GARIN3: variants seen among roughly 807,000 people sequenced by gnomAD.
GARIN3 encodes the protein Golgi-associated RAB2 interactor protein 3.
chr5:157,162,175 G>C, the GARIN3 span: 1 of 505,150 alleles, frequency 2.0e-6, no homozygotes, highest in Non-Finnish European at 3.5e-6. Flanking sequence ...TTGAGGCAAA[G>C]CTGAACACTC....
At chr5:157,164,654 C>T in the GARIN3 span, among the ~76,000 whole-genome samples, 6 of 152,146 alleles carry the variant, frequency 3.9e-5, no homozygotes, top group Non-Finnish European at 5.9e-5. Context: ...TCAAGGGATA[C>T]ACTCACTTTA....
At chr5:157,162,481 G>C in the GARIN3 span, 1 of 1,614,070 alleles carries the variant, frequency 6.2e-7, no homozygotes, top group Non-Finnish European at 8.5e-7. Context: ...GATCATCTCC[G>C]TCTTCTCGGA....
the GARIN3 span, among the ~76,000 whole-genome samples, chr5:157,164,985 C>T: frequency 1.3e-5 from 2 of 152,168 alleles, no homozygotes; most frequent in East Asian, 3.8e-4. Context: ...TGCCATTGCA[C>T]TCCAGCCTGG....
chr5:157,163,012 G>A, the GARIN3 span: 2 of 1,614,118 alleles, frequency 1.2e-6, no homozygotes, highest in Non-Finnish European at 1.7e-6. Context: ...ACTGGGCTGG[G>A]AAACTTTCTG....
At chr5:157,166,112 A>T in the GARIN3 span, 14 of 1,614,118 alleles carry the variant, frequency 8.7e-6, no homozygotes, top group Non-Finnish European at 1.2e-5. Context: ...TTTTGAACGC[A>T]CTCATTGAAG....
At chr5:157,165,500 A>C in the GARIN3 span, 2 of 1,530,100 alleles carry the variant, frequency 1.3e-6, no homozygotes, top group South Asian at 2.6e-5. Context: ...GCTTTGTAGG[A>C]CTGGCTTTGA....
the GARIN3 span, chr5:157,162,604 T>C: frequency 6.2e-7 from 1 of 1,614,222 alleles, no homozygotes; most frequent in South Asian, 1.1e-5. Flanking sequence ...CTCTCTGTCA[T>C]GTGATGTGAC....
At chr5:157,165,973 G>A in the GARIN3 span, 156 of 1,614,112 alleles carry the variant, frequency 9.7e-5, no homozygotes, top group East Asian at 3.3e-3. Flanking sequence ...ATTCGGACAC[G>A]GTTGTGTACA....
chr5:157,164,581 G>A, the GARIN3 span, among the ~76,000 whole-genome samples: 5,599 of 152,258 alleles, frequency 0.037, 206 homozygotes, highest in African/African-American at 0.099. Context: ...CTTGGACATT[G>A]TATTTTACAC....
At chr5:157,162,534 G>A in the GARIN3 span, 1 of 1,614,014 alleles carries the variant, frequency 6.2e-7, no homozygotes, top group African/African-American at 1.3e-5. Context: ...GGCCACCCTG[G>A]GCTTTCTCCA....
At chr5:157,162,413 C>A in the GARIN3 span, 1 of 1,594,018 alleles carries the variant, frequency 6.3e-7, no homozygotes, top group South Asian at 1.1e-5. Context: ...GGGATACTTC[C>A]AGATCCCTGG....
At chr5:157,162,050 G>A in the GARIN3 span, 1 of 226,434 alleles carries the variant, frequency 4.4e-6, no homozygotes, top group Non-Finnish European at 8.7e-6. Flanking sequence ...TGGACTGAAT[G>A]TCCATGTTCA....
chr5:157,162,832 T>A, the GARIN3 span: 1 of 1,614,188 alleles, frequency 6.2e-7, no homozygotes, highest in Admixed American at 1.7e-5. Flanking sequence ...TTTTTTGTCA[T>A]CTCTCGTGTT....
chr5:157,163,213 G>T, the GARIN3 span: 1 of 1,613,956 alleles, frequency 6.2e-7, no homozygotes, highest in African/African-American at 1.3e-5. Context: ...TTCCAAGGAG[G>T]TGCTTGCAGC....
chr5:157,165,585 G>T, the GARIN3 span: 3 of 1,612,498 alleles, frequency 1.9e-6, no homozygotes, highest in South Asian at 2.2e-5. Flanking sequence ...GTTGTCTTCG[G>T]GTGGTGCGTC....
the GARIN3 span, chr5:157,163,440 T>TG: frequency 6.2e-7 from 1 of 1,614,232 alleles, no homozygotes; most frequent in Non-Finnish European, 8.5e-7. Context: ...TAGGTCCTGT[T>TG]GCTGTTCCTG....
chr5:157,163,238 A>G, the GARIN3 span: 1 of 1,613,972 alleles, frequency 6.2e-7, no homozygotes, highest in African/African-American at 1.3e-5. Flanking sequence ...ACCAAGGCCA[A>G]GCTAATACCC....
At chr5:157,165,808 T>G in the GARIN3 span, 10 of 1,614,130 alleles carry the variant, frequency 6.2e-6, no homozygotes, top group Non-Finnish European at 8.5e-6. Flanking sequence ...GGAAGCAGTC[T>G]CGTGAGCTCT....
chr5:157,162,501 G>A, the GARIN3 span: 2 of 1,614,112 alleles, frequency 1.2e-6, no homozygotes, highest in Middle Eastern at 1.6e-4. Context: ...ATGTCATAGT[G>A]CCACTGATCA....
Sources: allele counts gnomAD v4.1 joint callset (sites outside exome capture counted in the v4.1 genomes callset), GRCh38; gene constraint gnomAD v4.1.1; transcripts MANE v1.5; gene names NCBI Gene and HGNC (gene_info 2026-07-23, HGNC 2026-07-21).